Variants in TPH1 observed in about 807,000 individuals in gnomAD.
TPH1 encodes tryptophan 5-hydroxylase 1.
Under a neutral mutation model 49.5 loss-of-function variants are expected in TPH1, and 37 were observed. That is an observed-to-expected ratio of 0.75 (90% CI 0.58 to 0.98). The LOEUF is 0.98. Among genes scored for constraint, TPH1 ranks in the 50% least tolerant of loss-of-function variants. TPH1 has a pLI of 0.00. For missense variants in TPH1, 487 were observed against 523.6 expected (o/e 0.93, Z 0.68); for synonymous variants, 160 against 182.1 (o/e 0.88, Z 0.98).
chr11:18,035,857 G>C, intron 3 of TPH1, 102 bp downstream of exon 3: 1 of 1,000,758 alleles, frequency 1.0e-6, no homozygotes, highest in Non-Finnish European at 1.5e-6. Flanking sequence ...GCAATTTGGA[G>C]AGCTTGTGTT....
At chr11:18,037,576 C>T (rs1009309498) in intron 2 of TPH1, among the ~76,000 whole-genome samples, 1 of 151,798 alleles carries the variant, frequency 6.6e-6, no homozygotes, top group African/African-American at 2.4e-5. Flanking sequence ...ATTAATAATG[C>T]ATTTGTAAAT....
chr11:18,044,934 G>C (rs1038959466), intron 1 of TPH1, among the ~76,000 whole-genome samples: 3 of 152,122 alleles, frequency 2.0e-5, no homozygotes, highest in Non-Finnish European at 4.4e-5. Context: ...TTTTCCTACT[G>C]CGTCTCCTGG....
At position 18,025,565 on chromosome 11, in the gene TPH1, A is replaced by G. The variant is rs1380023579; in HGVS notation, c.930+10T>C. ...CCCAGGTGAAAATATAGCTAATTCC[A>G]GATTTATACCGTTGCCAGTTTTTGA... On this transcript the variant is annotated intron_variant, in intron 8 of 10. Coordinates refer to ENST00000682019, the MANE Select transcript of TPH1 (RefSeq NM_004179.3). 1.2e-6 allele frequency: 2 copies of G among 1,613,752 alleles called. No individual in the cohort carries two copies. Among genetic ancestry groups the G allele is most frequent in the Non-Finnish European group, 1.7e-6 (2 of 1,179,698 alleles).
intron 1 of TPH1, among the ~76,000 whole-genome samples, chr11:18,044,495 G>T (rs1312010009): frequency 6.6e-6 from 1 of 152,044 alleles, no homozygotes; most frequent in Non-Finnish European, 1.5e-5. Context: ...AGGAACTTTT[G>T]CTAAGAAACT....
intron 4 of TPH1, among the ~76,000 whole-genome samples, chr11:18,030,422 GA>G (rs771437794): frequency 0.014 from 1,878 of 133,076 alleles, 17 homozygotes; most frequent in Non-Finnish European, 0.017. Context: ...ACTCTATCTT[GA>G]AAAAAAAAAA....
chr11:18,023,882 T>C lies in TPH1; in HGVS notation c.1026+6A>G, dbSNP rs771680129. ...ATGGTTATATACAAAGATTTGCAAC[T>C]CTTACTTTGAGTTCACTGATAGAAG... On this transcript the variant is annotated splice_donor_region_variant and intron_variant, in intron 9 of 10. Coordinates refer to ENST00000682019, the MANE Select transcript of TPH1 (RefSeq NM_004179.3). 7 of 1,608,194 alleles carry C rather than the reference T, an allele frequency of 4.4e-6. No homozygotes were observed. The highest frequency in any genetic ancestry group is 6.0e-6 in the Non-Finnish European group (7 of 1,175,280).
Position 18,040,812 on chromosome 11 carries a change from C to T in TPH1, c.-26-24G>A, listed in dbSNP as rs777300288. ...AACTAAAGTATGAAAACAAAGACTA[C>T]GGGCTAAAAAAGAAGTTGCACAATG... On this transcript the variant is annotated intron_variant, in intron 1 of 10. Coordinates refer to ENST00000682019, the MANE Select transcript of TPH1 (RefSeq NM_004179.3). 7.5e-5 allele frequency: 120 copies of T among 1,594,008 alleles called. 1 individual carries two copies. The highest frequency in any genetic ancestry group is 7.4e-4 in the South Asian group (67 of 90,142).
At chr11:18,026,203 A>C (rs1309380966) in intron 7 of TPH1, among the ~76,000 whole-genome samples, 1 of 152,120 alleles carries the variant, frequency 6.6e-6, no homozygotes, top group Non-Finnish European at 1.5e-5. Context: ...TACAAGCTTT[A>C]TGCAGGCAGA....
intron 2 of TPH1, among the ~76,000 whole-genome samples, chr11:18,036,629 T>C (rs1848050114): frequency 1.3e-5 from 2 of 152,290 alleles, no homozygotes; most frequent in East Asian, 3.9e-4. Context: ...CTGAACCAGA[T>C]CTCCTCTTCT....
chr11:18,043,640 AC>A (rs1848117423), intron 1 of TPH1, among the ~76,000 whole-genome samples: 1 of 152,090 alleles, frequency 6.6e-6, no homozygotes, highest in African/African-American at 2.4e-5. Context: ...AACAACAACA[AC>A]AAAAACTATT....
At chr11:18,035,914 T>G (rs778890632) in intron 3 of TPH1, 45 bp downstream of exon 3, 4 of 1,441,424 alleles carry the variant, frequency 2.8e-6, no homozygotes, top group Non-Finnish European at 3.9e-6. Context: ...GGACACACAT[T>G]AGGTGTTTCA....
At chr11:18,025,766 A>G (rs758007229) in intron 7 of TPH1, 65 bp from the exon 8 acceptor site, 58 of 1,596,370 alleles carry the variant, frequency 3.6e-5, no homozygotes, top group Non-Finnish European at 4.8e-5. Context: ...CAACCATTCA[A>G]TCAAATCGAA....
In TPH1 at chr11:18,021,080, T is replaced by C. The variant is rs1337395028; in HGVS notation, c.1246A>G (p.Ser416Gly). 6.2e-7 allele frequency: 1 copy of C among 1,614,034 alleles called. No homozygotes were observed. Among genetic ancestry groups the C allele is most frequent in the Non-Finnish European group, 8.5e-7 (1 of 1,180,002 alleles). Reference sequence around the variant, plus strand: ...AGCTCATTCATGGCACTGGTTATGCTCTTGGTGTCTTTCAGGATCTGAATA... The same window carrying C: ...AGCTCATTCATGGCACTGGTTATGCCCTTGGTGTCTTTCAGGATCTGAATA... ...RSIQILKDTK[S>G]ITSAMNELQH... The change falls in exon 11 of 11, where the codon AGC becomes GGC. Residue 416 changes from serine (S) to glycine (G), a missense_variant. Ser to Gly is a moderately conservative substitution (Grantham distance 56). Coordinates refer to ENST00000682019, the MANE Select transcript of TPH1 (RefSeq NM_004179.3).
At chr11:18,028,856 G>A (rs1847954575) in intron 6 of TPH1, among the ~76,000 whole-genome samples, 1 of 152,124 alleles carries the variant, frequency 6.6e-6, no homozygotes, top group South Asian at 2.1e-4. Context: ...CTTGAGGTCA[G>A]AAGTTCAAGA....
chr11:18,041,876 T>C (rs572605584), intron 1 of TPH1, among the ~76,000 whole-genome samples: 2 of 152,378 alleles, frequency 1.3e-5, no homozygotes, highest in East Asian at 3.9e-4. Context: ...CGCATTCACA[T>C]GTGTGAAGCA....
chr11:18,022,777 C>T (rs1367650582), intron 10 of TPH1, 21 bp downstream of exon 10: 18 of 1,611,006 alleles, frequency 1.1e-5, no homozygotes, highest in Non-Finnish European at 1.4e-5. Flanking sequence ...AAAATGAAGG[C>T]GTGAAGAAGA....
chr11:18,044,358 G>C (rs1025008419), intron 1 of TPH1, among the ~76,000 whole-genome samples: 41 of 152,000 alleles, frequency 2.7e-4, no homozygotes, highest in East Asian at 7.7e-4. Flanking sequence ...GGAGGCGGAG[G>C]TTGCAGTGAG....
chr11:18,043,867 TAA>T (rs879676856), intron 1 of TPH1, among the ~76,000 whole-genome samples: 4,884 of 144,684 alleles, frequency 0.034, 243 homozygotes, highest in African/African-American at 0.12. Context: ...CCCTGTCTCT[TAA>T]AAAAAAAAAA....
intron 6 of TPH1, among the ~76,000 whole-genome samples, chr11:18,026,935 G>C (rs940353013): frequency 1.3e-5 from 2 of 152,146 alleles, no homozygotes; most frequent in African/African-American, 4.8e-5. Context: ...CACATTAGTT[G>C]ATAAAGGCAG....
Sources: allele counts gnomAD v4.1 joint callset (sites outside exome capture counted in the v4.1 genomes callset), GRCh38; gene constraint gnomAD v4.1.1; transcripts MANE v1.5; gene names NCBI Gene and HGNC (gene_info 2026-07-23, HGNC 2026-07-21).